YLPM1: variants seen among roughly 807,000 people sequenced by gnomAD.
YLPM1 encodes YLP motif containing 1.
Under a neutral mutation model 230.0 loss-of-function variants are expected in YLPM1, and 99 were observed. The observed-to-expected ratio is 0.43, with a 90% CI of 0.37 to 0.51. The LOEUF is 0.51. YLPM1 is among the 20% of genes least tolerant of loss of function. The pLI, the probability that YLPM1 is intolerant of heterozygous loss-of-function variation, is 0.00. For missense variants in YLPM1, 2,592 were observed against 2,707.7 expected (o/e 0.96, Z 0.95); for synonymous variants, 984 against 942.5 (o/e 1.04, Z -0.81).
At chr14:74,827,969 G>A (rs2091578944) in intron 18 of YLPM1, 2 of 983,060 alleles carry the variant, frequency 2.0e-6, no homozygotes, top group South Asian at 4.7e-5. Flanking sequence ...ATTTTTGTGA[G>A]TTTTATAAAC....
In YLPM1 at chr14:74,798,163, T is replaced by C. The variant is rs1221598111; in HGVS notation, c.2866T>C (p.Ser956Pro). The C allele has an allele frequency of 6.2e-7, 1 of 1,613,836 alleles. No individual in the cohort carries two copies. The highest frequency in any genetic ancestry group is 1.1e-5 in the South Asian group (1 of 91,088). The change falls in exon 5 of 21, where the codon TCT becomes CCT. Residue 956 changes from serine (S) to proline (P), a missense_variant. Ser to Pro is a moderately conservative substitution (Grantham distance 74, BLOSUM62 -1). Transcript: ENST00000325680. ...TGCGAATAAGCCTGTACCTGCTCAA[T>C]CTACTTTTCCTTCAAAAACAGGGGG... ...PLANKPVPAQSTFPSKTGGME... is the reference protein window; with the variant it reads ...PLANKPVPAQPTFPSKTGGME...
In YLPM1 at chr14:74,781,782, C is replaced by T; in HGVS notation, c.1739C>T (p.Pro580Leu). 2 of 1,612,718 alleles carry T rather than the reference C, an allele frequency of 1.2e-6. No homozygotes were observed. Among genetic ancestry groups the T allele is most frequent in the Non-Finnish European group, 1.7e-6 (2 of 1,179,476 alleles). ...TCTGTTCCCCCACCAGGGATGCCTC[C>T]TTCTCTCTCTTCTGCAGGGCCACCA... ...PTSVPPPGMP[P>L]SLSSAGPPPV... The change falls in exon 4 of 21, where the codon CCT becomes CTT. Residue 580 changes from proline (P) to leucine (L), a missense_variant. Transcript: ENST00000325680.
chr14:74,805,635 G>A (rs1180180316), intron 6 of YLPM1, among the ~76,000 whole-genome samples: 1 of 151,836 alleles, frequency 6.6e-6, no homozygotes, highest in Non-Finnish European at 1.5e-5. Flanking sequence ...ACAGGTGTGA[G>A]CCCCTGCACC....
chr14:74,829,034 A>T (rs968587966), intron 18 of YLPM1, among the ~76,000 whole-genome samples, 179 bp from the exon 19 acceptor site: 26 of 152,206 alleles, frequency 1.7e-4, no homozygotes, highest in Non-Finnish European at 1.2e-4. Flanking sequence ...AAACAATGGA[A>T]ATTGCACAGA....
rs929854885 is a variant in YLPM1, at chr14:74,827,610, T to C, written c.6164-1603T>C. ...ATTGCTGCCTGGCTGTGCTCTGTTG[T>C]TGGAACTGAAATATGAAATTTTTAC... is the stretch of plus-strand genomic sequence containing the variant. On this transcript the variant is annotated intron_variant, in intron 18 of 20. Coordinates refer to ENST00000325680, the MANE Select transcript of YLPM1 (RefSeq NM_019589.3). 5.1e-6 allele frequency: 5 copies of C among 985,318 alleles called. No homozygotes were observed. In the African/African-American group the frequency reaches 8.7e-5, roughly 17 times the overall value. The allele number at this position is 985,318 out of a possible 1,614,324, so 61.0% of individuals were successfully genotyped here. A position where few individuals can be genotyped will look rare whatever the true frequency, so the allele number is the denominator to read the frequency against.
chr14:74,773,711 C>CTTTT lies in YLPM1; in HGVS notation c.874-4712_874-4709dup, dbSNP rs766885242. ...TCATGGTCAGTGTGCTGTTTTCTTT[C>CTTTT]TTTTTTTTTTTTTTTTTTTTTTTTT... On this transcript the variant is annotated intron_variant, in intron 1 of 20. Transcript: ENST00000325680. Among the ~76,000 whole-genome samples the CTTTT allele has an allele frequency of 1.0e-2, 605 of 60,562 alleles. 20 individuals carry two copies. Among genetic ancestry groups the CTTTT allele is most frequent in the Non-Finnish European group, 0.013 (425 of 32,414 alleles). 39.7% of individuals were successfully genotyped at this position (60,562 alleles called of 152,430 possible). A position where few individuals can be genotyped will look rare whatever the true frequency, so the allele number is the denominator to read the frequency against.
rs533910969 is a variant in YLPM1 at position 74,816,463 on chromosome 14, G to A, written c.5566-108G>A. ...AAACATTTTTGCCTCTGCTTGATTT[G>A]AAACCACCAGAAGATTGTATATTAT... On this transcript the variant is annotated intron_variant, in intron 12 of 20. Coordinates refer to ENST00000325680, the MANE Select transcript of YLPM1 (RefSeq NM_019589.3). The A allele has an allele frequency of 2.1e-6, 3 of 1,408,504 alleles. No homozygotes were observed. In the East Asian group the frequency reaches 7.4e-5, roughly 35 times the overall value. The allele number at this position is 1,408,504 out of a possible 1,614,324, so 87.3% of individuals were successfully genotyped here. A position where few individuals can be genotyped will look rare whatever the true frequency, so the allele number is the denominator to read the frequency against.
At chr14:74,799,825 A>G (rs565194951) in intron 5 of YLPM1, 128 bp downstream of exon 5, 1 of 1,367,694 alleles carries the variant, frequency 7.3e-7, no homozygotes, top group South Asian at 1.6e-5. Context: ...TTTAATTTAT[A>G]TTTCTGGTCA....
At chr14:74,800,742 C>T (rs2091316397) in intron 5 of YLPM1, among the ~76,000 whole-genome samples, 1 of 152,132 alleles carries the variant, frequency 6.6e-6, no homozygotes, top group Admixed American at 6.5e-5. Flanking sequence ...TTCCAGATTA[C>T]TCATGAAGAA....
At position 74,764,309 on chromosome 14, in the gene YLPM1, A is replaced by G. The variant is rs376165436; in HGVS notation, c.820A>G (p.Thr274Ala). ...PLESGAKNKS[T>A]EQQQAAPEPD... Reference sequence around the variant, plus strand: ...GGAGAGTGGGGCCAAAAACAAGAGTACTGAACAGCAGCAAGCCGCCCCTGA... The same window carrying G: ...GGAGAGTGGGGCCAAAAACAAGAGTGCTGAACAGCAGCAAGCCGCCCCTGA... Residue 274 changes from threonine (T) to alanine (A), a missense_variant, in exon 1 of 21, where the codon ACT becomes GCT. Physicochemically the swap from Thr to Ala is moderately conservative, Grantham distance 58. Transcript: ENST00000325680. 1.2e-6 allele frequency: 2 copies of G among 1,613,748 alleles called. No homozygotes were observed. Among genetic ancestry groups the G allele is most frequent in the Admixed American group, 1.7e-5 (1 of 59,960 alleles).
chr14:74,810,990 AT>A lies in YLPM1; in HGVS notation c.5228+580del, dbSNP rs952085543. Among the ~76,000 whole-genome samples the A allele has an allele frequency of 1.4e-3, 201 of 148,388 alleles. 1 individual carries two copies. The highest frequency in any genetic ancestry group is 4.8e-3 in the African/African-American group (193 of 40,602). On this transcript the variant is annotated intron_variant, in intron 9 of 20. Coordinates refer to ENST00000325680, the MANE Select transcript of YLPM1 (RefSeq NM_019589.3). Reference sequence around the variant, plus strand: ...AGGCATGTGCCACCATGCCTGGCTAATTTTTTTTTTGTTTTTGATGACGATG... The same window carrying A: ...AGGCATGTGCCACCATGCCTGGCTAATTTTTTTTTGTTTTTGATGACGATG...
At chr14:74,777,707 G>C (rs1206904717) in intron 1 of YLPM1, among the ~76,000 whole-genome samples, 2 of 152,092 alleles carry the variant, frequency 1.3e-5, no homozygotes, top group Non-Finnish European at 2.9e-5. Context: ...GGGTGCAGTG[G>C]TTCACACCTG....
At position 74,782,345 on chromosome 14, in the gene YLPM1, T is replaced by G. The variant is rs748840609; in HGVS notation, c.2282+20T>G. 2 of 1,489,860 alleles carry G rather than the reference T, an allele frequency of 1.3e-6. No homozygotes were observed. The highest frequency in any genetic ancestry group is 2.4e-5 in the Admixed American group (1 of 41,344). 92.3% of individuals were successfully genotyped at this position (1,489,860 alleles called of 1,614,324 possible). A position where few individuals can be genotyped will look rare whatever the true frequency, so the allele number is the denominator to read the frequency against. ...CCCAAGGTAGGTCTGCTTTTTTTTC[T>G]CTTTTTTTTTGGTTTGGCTATTTTA... On this transcript the variant is annotated intron_variant, in intron 4 of 20. Transcript: ENST00000325680.
chr14:74,812,996 T>C (rs550888651), intron 11 of YLPM1, among the ~76,000 whole-genome samples: 1 of 152,312 alleles, frequency 6.6e-6, no homozygotes, highest in African/African-American at 2.4e-5. Flanking sequence ...AAAAAAGATG[T>C]TGAATTTTAA....
intron 5 of YLPM1, among the ~76,000 whole-genome samples, chr14:74,801,115 T>TA (rs994563904): frequency 1.3e-3 from 203 of 152,338 alleles, no homozygotes; most frequent in African/African-American, 4.7e-3. Flanking sequence ...TTTAATTCGT[T>TA]ATTGCTTTGC....
rs1202542803 is a variant in YLPM1, at chr14:74,764,113, ATCC to A, written c.633_635del (p.Ser214del). On this transcript the variant is annotated inframe_deletion, in exon 1 of 21. Coordinates refer to ENST00000325680, the MANE Select transcript of YLPM1 (RefSeq NM_019589.3). ...ACCTGGCGCCCACCCCTTCTTACTC[ATCC>A]TCCTCCTCTTCCTCGCAATCCTATT... is the stretch of plus-strand genomic sequence containing the variant. 6 of 1,609,638 alleles carry A rather than the reference ATCC, an allele frequency of 3.7e-6. No individual in the cohort carries two copies. In the African/African-American group the frequency reaches 4.1e-5, roughly 11 times the overall value.
chr14:74,830,318 C>G (rs1206470273), intron 19 of YLPM1, among the ~76,000 whole-genome samples: 2 of 152,080 alleles, frequency 1.3e-5, no homozygotes, highest in African/African-American at 4.8e-5. Context: ...AGAAATGAAG[C>G]TAGGATATTA....
chr14:74,799,012 C>G lies in YLPM1; in HGVS notation c.3715C>G (p.Leu1239Val), dbSNP rs762116413. Residue 1239 changes from leucine to valine, a missense_variant, in exon 5 of 21, where the codon CTA (leucine) becomes GTA (valine). This residue lies in a region of YLPM1 where 1,862 missense variants were observed against 1,819.8 expected (regional missense o/e 1.02). Coordinates refer to ENST00000325680, the MANE Select transcript of YLPM1 (RefSeq NM_019589.3). ...TGAACGTGACTATCAAGATGATACA[C>G]TAGAGCTCTATAACAGAGAGGACAG... ...ECERDYQDDT[L>V]ELYNREDRFS... 6.2e-7 allele frequency: 1 copy of G among 1,613,816 alleles called. No individual in the cohort carries two copies. The highest frequency in any genetic ancestry group is 2.2e-5 in the East Asian group (1 of 44,886).
chr14:74,821,348 C>T (rs2091518868), intron 17 of YLPM1: 1 of 625,738 alleles, frequency 1.6e-6, no homozygotes, highest in Non-Finnish European at 2.4e-6. Context: ...AAAGTTTTAA[C>T]AGAGTGCTAA....
Sources: allele counts gnomAD v4.1 joint callset (sites outside exome capture counted in the v4.1 genomes callset), GRCh38; gene constraint gnomAD v4.1.1; regional missense constraint gnomAD v4.1.1; transcripts MANE v1.5; gene names NCBI Gene and HGNC (gene_info 2026-07-23, HGNC 2026-07-21).